Variants in NFIB observed in about 807,000 individuals in gnomAD.
The protein encoded by NFIB is nuclear factor I B.
In NFIB, 11 loss-of-function variants were observed where a neutral mutation model predicts 61.5. The ratio of observed to expected loss-of-function variants is 0.18; its 90% CI spans 0.11 to 0.30. NFIB has a LOEUF of 0.30. Ranked by LOEUF, NFIB falls within the 10% of genes least tolerant of loss-of-function variation. The pLI, the probability that NFIB is intolerant of heterozygous loss-of-function variation, is 1.00. For synonymous variants in NFIB, 260 were observed against 216.5 expected (o/e 1.20, Z -1.76); for missense variants, 471 against 608.9 (o/e 0.77, Z 2.38).
intron 10 of NFIB, among the ~76,000 whole-genome samples, chr9:14,109,825 T>A (rs528142738): frequency 6.6e-6 from 1 of 152,088 alleles, no homozygotes; most frequent in East Asian, 1.9e-4. Flanking sequence ...TATGTGAATT[T>A]ATTTTTTAGA....
At chr9:14,466,808 G>T in the NFIB span, among the ~76,000 whole-genome samples, 1 of 152,146 alleles carries the variant, frequency 6.6e-6, no homozygotes, top group Non-Finnish European at 1.5e-5. Flanking sequence ...GGAGACTGGA[G>T]ACACAGTGCA....
intron 3 of NFIB, among the ~76,000 whole-genome samples, chr9:14,164,496 A>T (rs2131301788): frequency 6.6e-6 from 1 of 152,302 alleles, no homozygotes; most frequent in African/African-American, 2.4e-5. Flanking sequence ...GGTACCATAA[A>T]AATATTATAA....
At chr9:14,326,924 A>G (rs2060760712) in intron 1 of NFIB, among the ~76,000 whole-genome samples, 1 of 152,154 alleles carries the variant, frequency 6.6e-6, no homozygotes. Flanking sequence ...GCTTACTCAC[A>G]CTTTTGTGCA....
intron 7 of NFIB, among the ~76,000 whole-genome samples, chr9:14,124,410 C>T (rs117609484): frequency 1.3e-5 from 2 of 152,124 alleles, no homozygotes; most frequent in African/African-American, 2.4e-5. Flanking sequence ...CTCTCAATTT[C>T]GTAATTTTTT....
the NFIB span, among the ~76,000 whole-genome samples, chr9:14,469,776 C>T: frequency 0.055 from 8,444 of 152,256 alleles, 269 homozygotes; most frequent in Non-Finnish European, 0.067. Flanking sequence ...GGCTGTCCAT[C>T]ATGGTTCTGC....
At chr9:14,276,420 A>G (rs2058005525) in intron 2 of NFIB, among the ~76,000 whole-genome samples, 1 of 152,180 alleles carries the variant, frequency 6.6e-6, no homozygotes, top group African/African-American at 2.4e-5. Context: ...ACATTAACAT[A>G]ATCTACATAG....
the NFIB span, among the ~76,000 whole-genome samples, chr9:14,496,269 C>T: frequency 2.6e-5 from 4 of 152,146 alleles, no homozygotes; most frequent in East Asian, 1.9e-4. Context: ...AATTCATTTA[C>T]GGTTTATATA....
intron 1 of NFIB, among the ~76,000 whole-genome samples, chr9:14,358,300 A>G (rs1351268418): frequency 6.6e-6 from 1 of 151,410 alleles, no homozygotes; most frequent in African/African-American, 2.4e-5. Flanking sequence ...AAACTAAAAA[A>G]TATATACTTT....
the NFIB span, among the ~76,000 whole-genome samples, chr9:14,426,504 C>T: frequency 6.6e-6 from 1 of 152,166 alleles, no homozygotes; most frequent in Non-Finnish European, 1.5e-5. Context: ...TCATACAATG[C>T]GGACATGTAA....
chr9:14,227,164 AAAAGT>A (rs1401222601), intron 2 of NFIB, among the ~76,000 whole-genome samples: 3 of 151,476 alleles, frequency 2.0e-5, no homozygotes, highest in Admixed American at 6.6e-5. Flanking sequence ...AAAAAGAAAG[AAAAGT>A]AAAGTAAAAG....
chr9:14,431,891 C>T, the NFIB span, among the ~76,000 whole-genome samples: 2 of 152,152 alleles, frequency 1.3e-5, no homozygotes, highest in Admixed American at 1.3e-4. Context: ...TCCCCCACTG[C>T]TTTTCTTTTA....
At chr9:14,263,322 T>C (rs1468481197) in intron 2 of NFIB, among the ~76,000 whole-genome samples, 2 of 151,946 alleles carry the variant, frequency 1.3e-5, no homozygotes, top group Non-Finnish European at 1.5e-5. Flanking sequence ...AGGATGTTCA[T>C]GAAGAAATAG....
At chr9:14,242,458 C>T (rs899570819) in intron 2 of NFIB, among the ~76,000 whole-genome samples, 1 of 152,160 alleles carries the variant, frequency 6.6e-6, no homozygotes, top group African/African-American at 2.4e-5. Flanking sequence ...ATCATGATCT[C>T]TCCCCTTGTT....
chr9:14,133,329 G>A (rs2040625051), intron 6 of NFIB, among the ~76,000 whole-genome samples: 1 of 152,108 alleles, frequency 6.6e-6, no homozygotes, highest in African/African-American at 2.4e-5. Flanking sequence ...CACTGAAAGA[G>A]AAAAATGAGC....
chr9:14,427,942 T>TTTTTTTTTTTTG, the NFIB span, among the ~76,000 whole-genome samples: 3 of 77,844 alleles, frequency 3.9e-5, 1 homozygote, highest in Admixed American at 2.5e-4. Flanking sequence ...CAGTTGTTTT[T>TTTTTTTTTTTTG]TTTTTTTTTT....
intron 2 of NFIB, among the ~76,000 whole-genome samples, chr9:14,219,201 T>C (rs553277161): frequency 1.4e-4 from 21 of 152,214 alleles, no homozygotes; most frequent in Non-Finnish European, 2.5e-4. Flanking sequence ...TAAAGGAGTT[T>C]TGCATTTGTT....
the NFIB span, among the ~76,000 whole-genome samples, chr9:14,414,600 C>T: frequency 0.024 from 3,509 of 144,752 alleles, 104 homozygotes; most frequent in East Asian, 0.072. Context: ...GTCTGTAAAA[C>T]GGAGTTCATA....
At chr9:14,324,784 CAT>C (rs1564009581) in intron 1 of NFIB, among the ~76,000 whole-genome samples, 1 of 151,964 alleles carries the variant, frequency 6.6e-6, no homozygotes, top group Non-Finnish European at 1.5e-5. Flanking sequence ...TTTCTTTTGA[CAT>C]GTGAAGCTTA....
chr9:14,314,104 G>T lies in NFIB; in HGVS notation c.-593C>A, dbSNP rs112877418. 2.9e-6 allele frequency: 3 copies of T among 1,033,228 alleles called. No individual in the cohort carries two copies. Among genetic ancestry groups the T allele is most frequent in the Non-Finnish European group, 2.3e-6 (2 of 860,158 alleles). The allele number at this position is 1,033,228 out of a possible 1,614,324, so 64.0% of individuals were successfully genotyped here. A position where few individuals can be genotyped will look rare whatever the true frequency, so the allele number is the denominator to read the frequency against. ...CGCAGGCGAAACTTTGCCGCGAGCC[G>T]ACCATGTGTGTGCGCGAGGGGCAGC... On this transcript the variant is annotated 5_prime_UTR_variant, in exon 1 of 11. Transcript: ENST00000380953.
Sources: gnomAD v4.1 joint callset for allele counts (sites outside exome capture counted in the v4.1 genomes callset) on GRCh38, gnomAD v4.1.1 for gene constraint, MANE v1.5 for transcripts, NCBI Gene and HGNC (gene_info 2026-07-23, HGNC 2026-07-21) for gene names.